Variants in PPP4C observed in about 807,000 individuals in gnomAD.
PPP4C encodes the protein serine/threonine-protein phosphatase 4 catalytic subunit.
PPP4C carries 10 observed loss-of-function variants against 40.5 expected under a neutral mutation model. That is an observed-to-expected ratio of 0.25 (90% CI 0.15 to 0.42). The LOEUF is 0.42. Ranked by LOEUF, PPP4C falls within the 10% of genes least tolerant of loss-of-function variation. The pLI is 1.00. For synonymous variants in PPP4C, 187 were observed against 163.6 expected, an observed-to-expected ratio of 1.14 and a Z score of -1.09; for missense variants, 191 against 416.4, an observed-to-expected ratio of 0.46 and a Z score of 4.71.
intron 4 of PPP4C, 41 bp downstream of exon 4, chr16:30,082,575 G>T: frequency 6.3e-7 from 1 of 1,597,458 alleles, no homozygotes; most frequent in Non-Finnish European, 8.6e-7. Flanking sequence ...ACGGGGGGAT[G>T]ACTGGAAGAC....
At chr16:30,076,688 A>T (rs2151023660) in intron 2 of PPP4C, among the ~76,000 whole-genome samples, 1 of 152,368 alleles carries the variant, frequency 6.6e-6, no homozygotes, top group South Asian at 2.1e-4. Context: ...ATGTGTTTCC[A>T]GTGGAGTAAG....
In PPP4C at chr16:30,085,109, C is replaced by G; in HGVS notation, c.*47C>G. On this transcript the variant is annotated 3_prime_UTR_variant, in exon 9 of 9. Coordinates refer to ENST00000279387, the MANE Select transcript of PPP4C (RefSeq NM_002720.3). The stretch of plus-strand genomic sequence containing the variant: ...TCCAACCCTTCTGGCCCTCGCACCA[C>G]TGTGACTCTGCCATCTTCCTCAGAC... The G allele has an allele frequency of 6.3e-7, 1 of 1,597,550 alleles. No homozygotes were observed. The highest frequency in any genetic ancestry group is 8.5e-7 in the Non-Finnish European group (1 of 1,169,792).
Position 30,083,132 on chromosome 16 carries a change from C to A in PPP4C, c.304-262C>A. 1.7e-6 allele frequency: 1 copy of A among 592,806 alleles called. No individual in the cohort carries two copies. Among genetic ancestry groups the A allele is most frequent in the Non-Finnish European group, 3.0e-6 (1 of 335,862 alleles). The allele number at this position is 592,806 out of a possible 1,614,324, so 36.7% of individuals were successfully genotyped here. A position where few individuals can be genotyped will look rare whatever the true frequency, so the allele number is the denominator to read the frequency against. ...GCCAGATGACAAAGGGCCTGGGTGC[C>A]TTGCTAGGGACCCGGTCTGTGTCTG... On this transcript the variant is annotated intron_variant, in intron 5 of 8. Coordinates refer to ENST00000279387, the MANE Select transcript of PPP4C (RefSeq NM_002720.3). This position sits in a 1 kb window ranked among gnomAD's most constrained non-coding sequence, Gnocchi z 6.3.
Position 30,085,322 on chromosome 16 carries a change from G to T in PPP4C, c.*260G>T. On this transcript the variant is annotated 3_prime_UTR_variant, in exon 9 of 9. Transcript: ENST00000279387. ...TCCTTCTTTTTTCTGTTTGTTTTTA[G>T]ATAAAAATTTTGAGAAAAAAAATGA... 2.8e-6 allele frequency: 1 copy of T among 361,728 alleles called. No individual in the cohort carries two copies. Among genetic ancestry groups the T allele is most frequent in the Non-Finnish European group, 4.9e-6 (1 of 202,808 alleles). 22.4% of individuals were successfully genotyped at this position (361,728 alleles called of 1,614,324 possible).
chr16:30,080,174 G>C (rs977340303), intron 2 of PPP4C, among the ~76,000 whole-genome samples: 1 of 151,624 alleles, frequency 6.6e-6, no homozygotes, highest in Non-Finnish European at 1.5e-5. Context: ...GTGAAATCTC[G>C]ACTCTACTAA....
In PPP4C at chr16:30,083,332, T is replaced by A. The variant is rs776083065; in HGVS notation, c.304-62T>A. ...TGGCAGGCTGGCGGGCACGAGGAGG[T>A]CAGAGAGGGATGTGTGGAGAGACCG... On this transcript the variant is annotated intron_variant, in intron 5 of 8. Coordinates refer to ENST00000279387, the MANE Select transcript of PPP4C (RefSeq NM_002720.3). This position sits in a 1 kb window ranked among gnomAD's most constrained non-coding sequence, Gnocchi z 6.3. 184 of 1,550,464 alleles carry A rather than the reference T, an allele frequency of 1.2e-4. No individual in the cohort carries two copies. Among genetic ancestry groups the A allele is most frequent in the Admixed American group, 2.2e-4 (13 of 58,252 alleles).
intron 2 of PPP4C, among the ~76,000 whole-genome samples, chr16:30,078,121 C>A (rs1444315355): frequency 6.6e-6 from 1 of 152,222 alleles, no homozygotes; most frequent in Non-Finnish European, 1.5e-5. Context: ...CCCTCACGGG[C>A]CCTGGATCAG....
intron 2 of PPP4C, among the ~76,000 whole-genome samples, chr16:30,079,728 C>T (rs79800898): frequency 0.016 from 2,426 of 152,264 alleles, 67 homozygotes; most frequent in African/African-American, 0.055. Context: ...TAAGTGAATC[C>T]TCCTGTCCAC....
In PPP4C at chr16:30,084,811, T is replaced by C; in HGVS notation, c.750T>C (p.Asn250=). The change falls in exon 8 of 9, where the codon AAT becomes AAC. Residue 250 remains asparagine (N), a synonymous_variant. Transcript: ENST00000279387. ...TGGAAGGTTACAAGTGGCACTTCAA[T>C]GAGACGGTGCTCACTGTGTGGTCGG... The part of the protein sequence containing the change: ...LVMEGYKWHF[N]ETVLTVWSAP... 2 of 1,614,230 alleles carry C rather than the reference T, an allele frequency of 1.2e-6. No individual in the cohort carries two copies. Among genetic ancestry groups the C allele is most frequent in the Non-Finnish European group, 1.7e-6 (2 of 1,180,034 alleles).
chr16:30,083,735 G>T lies in PPP4C; in HGVS notation c.558G>T (p.Val186=), dbSNP rs778470413. The change falls in exon 7 of 9, where the codon GTG becomes GTT. Residue 186 remains valine, a synonymous_variant. Coordinates refer to ENST00000279387, the MANE Select transcript of PPP4C (RefSeq NM_002720.3). The surrounding 1 kb of genome is among the most constrained non-coding windows in gnomAD (Gnocchi z 6.3). ...GGACAATCGACCGAAAGCAAGAGGT[G>T]CCTCATGATGGGCCCATGTGTGACC... ...QIRTIDRKQE[V]PHDGPMCDLL... is the part of the protein sequence containing the mutation. The T allele has an allele frequency of 3.1e-6, 5 of 1,614,210 alleles. No individual in the cohort carries two copies. The highest frequency in any genetic ancestry group is 4.2e-6 in the Non-Finnish European group (5 of 1,180,036).
At position 30,083,599 on chromosome 16, in the gene PPP4C, A is replaced by G; in HGVS notation, c.477+32A>G. 1.2e-6 allele frequency: 2 copies of G among 1,613,792 alleles called. No individual in the cohort carries two copies. The highest frequency in any genetic ancestry group is 1.7e-6 in the Non-Finnish European group (2 of 1,179,808). On this transcript the variant is annotated intron_variant, in intron 6 of 8. Coordinates refer to ENST00000279387, the MANE Select transcript of PPP4C (RefSeq NM_002720.3). The surrounding 1 kb of genome is among the most constrained non-coding windows in gnomAD (Gnocchi z 6.3). The stretch of plus-strand genomic sequence containing the variant: ...CAGCCCAGGGCTCCATGGGACAGGG[A>G]GAGGAGGGGGGCTTCAGGCCTCAGC...
At position 30,083,171 on chromosome 16, in the gene PPP4C, G is replaced by C. The variant is rs2072543395; in HGVS notation, c.304-223G>C. 3.3e-6 allele frequency: 2 copies of C among 614,474 alleles called. No individual in the cohort carries two copies. The highest frequency in any genetic ancestry group is 5.7e-6 in the Non-Finnish European group (2 of 350,704). The allele number at this position is 614,474 out of a possible 1,614,324, so 38.1% of individuals were successfully genotyped here. On this transcript the variant is annotated intron_variant, in intron 5 of 8. Transcript: ENST00000279387. The surrounding 1 kb of genome is among the most constrained non-coding windows in gnomAD (Gnocchi z 6.3). ...GGTCTGTGTCTGGTAGGTGAAAGAA[G>C]AGCCATTAGGTTCATAGTTGAGGGA...
At chr16:30,084,607 G>A in intron 7 of PPP4C, 59 bp from the exon 8 acceptor site, 1 of 1,534,632 alleles carries the variant, frequency 6.5e-7, no homozygotes, top group South Asian at 1.2e-5. Context: ...TCAAGGGGCA[G>A]CGCTGGCAGC....
intron 1 of PPP4C, 32 bp downstream of exon 1, chr16:30,076,126 C>T: frequency 3.6e-6 from 2 of 559,240 alleles, no homozygotes; most frequent in Non-Finnish European, 6.4e-6. Context: ...AAGTCACCGT[C>T]CTTAGCGCGG....
At chr16:30,076,496 G>T (rs778236985) in intron 2 of PPP4C, 21 bp downstream of exon 2, 1 of 1,594,500 alleles carries the variant, frequency 6.3e-7, no homozygotes, top group Admixed American at 1.7e-5. Context: ...TGGCCCTGGG[G>T]AAGGGAGGCC....
chr16:30,080,367 A>AT (rs2072480596), intron 2 of PPP4C, among the ~76,000 whole-genome samples: 1 of 151,244 alleles, frequency 6.6e-6, no homozygotes, highest in Non-Finnish European at 1.5e-5. Flanking sequence ...AAAAAAAAAA[A>AT]ATTGGGTGTC....
rs531959828 is a variant in PPP4C, at chr16:30,083,265, G to C, written c.304-129G>C. ...GAGGTGGCTGATGCCACACGATTCA[G>C]GCAAGAGGTGCCAGGAGTGTGCTGG... On this transcript the variant is annotated intron_variant, in intron 5 of 8. Coordinates refer to ENST00000279387, the MANE Select transcript of PPP4C (RefSeq NM_002720.3). This position sits in a 1 kb window ranked among gnomAD's most constrained non-coding sequence, Gnocchi z 6.3. 1.5e-5 allele frequency: 16 copies of C among 1,099,946 alleles called. No homozygotes were observed. The highest frequency in any genetic ancestry group is 2.1e-5 in the Non-Finnish European group (16 of 758,212). The allele number at this position is 1,099,946 out of a possible 1,614,324, so 68.1% of individuals were successfully genotyped here. A position where few individuals can be genotyped will look rare whatever the true frequency, so the allele number is the denominator to read the frequency against.
At position 30,082,910 on chromosome 16, in the gene PPP4C, C is replaced by T. The variant is rs750653153; in HGVS notation, c.303+63C>T. 1.6e-5 allele frequency: 22 copies of T among 1,391,376 alleles called. 2 individuals carry two copies. Among genetic ancestry groups the T allele is most frequent in the South Asian group, 1.3e-4 (11 of 83,704 alleles). 86.2% of individuals were successfully genotyped at this position (1,391,376 alleles called of 1,614,324 possible). A position where few individuals can be genotyped will look rare whatever the true frequency, so the allele number is the denominator to read the frequency against. ...ACCTCGGGCCGGGCCTGTCTTAGTCCGTTCCGCCCTCATCTCCTATCGTGA... is the reference window on the plus strand; with the variant it reads ...ACCTCGGGCCGGGCCTGTCTTAGTCTGTTCCGCCCTCATCTCCTATCGTGA... On this transcript the variant is annotated intron_variant, in intron 5 of 8. Transcript: ENST00000279387.
rs945205738 is a variant in PPP4C, at chr16:30,085,141, TG to T, written c.*82del. The stretch of plus-strand genomic sequence containing the variant: ...TCTGCCATCTTCCTCAGACGGAGGC[TG>T]GGCGTGGGGGGGGCTGTCCTGGCTC... On this transcript the variant is annotated 3_prime_UTR_variant, in exon 9 of 9. Coordinates refer to ENST00000279387, the MANE Select transcript of PPP4C (RefSeq NM_002720.3). 12 of 1,507,890 alleles carry T rather than the reference TG, an allele frequency of 8.0e-6. No individual in the cohort carries two copies. Among genetic ancestry groups the T allele is most frequent in the Non-Finnish European group, 1.1e-5 (12 of 1,119,156 alleles). The allele number at this position is 1,507,890 out of a possible 1,614,324, so 93.4% of individuals were successfully genotyped here. A position where few individuals can be genotyped will look rare whatever the true frequency, so the allele number is the denominator to read the frequency against.
Sources: gnomAD v4.1 joint callset for allele counts (sites outside exome capture counted in the v4.1 genomes callset) on GRCh38, gnomAD v4.1.1 for gene constraint, Gnocchi (gnomAD v3.1) non-coding constraint, MANE v1.5 for transcripts, NCBI Gene and HGNC (gene_info 2026-07-23, HGNC 2026-07-21) for gene names.